Variants in SLC35D2 observed in about 807,000 individuals in gnomAD.
SLC35D2 encodes solute carrier family 35 member D2.
A neutral mutation model predicts 41.8 loss-of-function variants in SLC35D2; 43 were observed. The ratio of observed to expected loss-of-function variants is 1.03; its 90% confidence interval spans 0.81 to 1.33. The LOEUF is 1.33. Among genes scored for constraint, SLC35D2 ranks in the 40% most tolerant of loss-of-function variants. The pLI, the probability that SLC35D2 is intolerant of heterozygous loss-of-function variation, is 0.00. For synonymous variants in SLC35D2, 150 were observed against 163.9 expected (o/e 0.92, Z 0.65); for missense variants, 380 against 408.4 (o/e 0.93, Z 0.60).
At chr9:96,368,394 T>C (rs892321344) in intron 1 of SLC35D2, 89 bp from the exon 2 acceptor site, 1 of 986,584 alleles carries the variant, frequency 1.0e-6, no homozygotes, top group African/African-American at 1.7e-5. Flanking sequence ...TATTAAACAA[T>C]CTGAGAAAAT....
At chr9:96,321,389 G>C (rs765447759) in intron 11 of SLC35D2, 48 bp from the exon 12 acceptor site, 18 of 1,377,246 alleles carry the variant, frequency 1.3e-5, no homozygotes, top group Non-Finnish European at 1.9e-5. Flanking sequence ...AATTTCACAG[G>C]GGCTCCAGCA....
At chr9:96,338,354 T>C (rs1829148164) in intron 8 of SLC35D2, among the ~76,000 whole-genome samples, 1 of 152,142 alleles carries the variant, frequency 6.6e-6, no homozygotes, top group Non-Finnish European at 1.5e-5. Context: ...CATTGTTTCA[T>C]GAGTAATGCT....
intron 1 of SLC35D2, among the ~76,000 whole-genome samples, chr9:96,369,998 G>A (rs758616101): frequency 1.2e-4 from 18 of 152,238 alleles, no homozygotes; most frequent in Non-Finnish European, 2.1e-4. Context: ...GCTGGGTCAT[G>A]CCACCCATAC....
intron 3 of SLC35D2, among the ~76,000 whole-genome samples, chr9:96,362,243 C>A (rs1182437235): frequency 6.6e-6 from 1 of 152,180 alleles, no homozygotes. Flanking sequence ...TGTAGTGACT[C>A]AAGCCTGCAA....
Position 96,351,160 on chromosome 9 carries a change from G to C in SLC35D2, c.431C>G (p.Ser144Ter), listed in dbSNP as rs1241332169. The C allele has an allele frequency of 6.2e-7, 1 of 1,606,512 alleles. No homozygotes were observed. The highest frequency in any genetic ancestry group is 2.2e-5 in the East Asian group (1 of 44,832). ...AAAGACACTGAGGATGATGTTGAGTGAATACTGCTTCCTGTAATAAATACA... is the reference window on the plus strand; with the variant it reads ...AAAGACACTGAGGATGATGTTGAGTCAATACTGCTTCCTGTAATAAATACA... ...LETIILGKQY[S>*]LNIILSVFAI... The change falls in exon 6 of 12, where the codon TCA becomes TGA. Residue 144 changes from serine to a stop codon, truncating the protein, a stop_gained. Coordinates refer to ENST00000253270, the MANE Select transcript of SLC35D2 (RefSeq NM_007001.3). LOFTEE classifies it high-confidence loss of function.
At chr9:96,364,740 A>C (rs1175441741) in intron 2 of SLC35D2, among the ~76,000 whole-genome samples, 190 bp from the exon 3 acceptor site, 1 of 152,128 alleles carries the variant, frequency 6.6e-6, no homozygotes, top group African/African-American at 2.4e-5. Context: ...TACAGATTCC[A>C]TCAGAACTCC....
At chr9:96,352,008 A>G (rs201284005) in intron 5 of SLC35D2, 30 bp downstream of exon 5, 1 of 1,486,770 alleles carries the variant, frequency 6.7e-7, no homozygotes, top group Non-Finnish European at 9.4e-7. Flanking sequence ...TGGGAGGCAC[A>G]CTGGAAGAAT....
intron 8 of SLC35D2, among the ~76,000 whole-genome samples, chr9:96,340,327 A>G (rs1164102016): frequency 1.3e-5 from 2 of 152,082 alleles, no homozygotes; most frequent in Non-Finnish European, 2.9e-5. Flanking sequence ...TTTAAAAACT[A>G]GTCAAACTTG....
intron 6 of SLC35D2, chr9:96,350,873 T>C (rs990203505): frequency 2.5e-6 from 1 of 402,888 alleles, no homozygotes; most frequent in Non-Finnish European, 4.5e-6. Context: ...AAAAGCTATA[T>C]TAATATCTTG....
At chr9:96,337,715 C>T (rs907705806) in intron 8 of SLC35D2, among the ~76,000 whole-genome samples, 3 of 151,976 alleles carry the variant, frequency 2.0e-5, no homozygotes, top group East Asian at 1.9e-4. Flanking sequence ...GGCGCAGTGG[C>T]TCACGCTTGT....
chr9:96,332,501 G>A (rs114440031), intron 9 of SLC35D2, among the ~76,000 whole-genome samples: 2,060 of 152,218 alleles, frequency 0.014, 40 homozygotes, highest in African/African-American at 0.046. Context: ...CATGTTGGCC[G>A]GGTTCAGTGG....
intron 1 of SLC35D2, among the ~76,000 whole-genome samples, chr9:96,375,988 C>A (rs1454781141): frequency 2.6e-5 from 4 of 151,842 alleles, no homozygotes; most frequent in Non-Finnish European, 5.9e-5. Context: ...TGGTGAAACC[C>A]CATCTCTACT....
At chr9:96,318,169 C>T (rs1360946143), downstream of SLC35D2, among the ~76,000 whole-genome samples, 2 of 151,866 alleles carry the variant, frequency 1.3e-5, no homozygotes, top group Non-Finnish European at 2.9e-5. Context: ...CTCTTAAAAG[C>T]ACATTGAAGG....
intron 9 of SLC35D2, among the ~76,000 whole-genome samples, chr9:96,324,408 T>C (rs1312081713): frequency 6.6e-6 from 1 of 152,204 alleles, no homozygotes; most frequent in East Asian, 1.9e-4. Context: ...ATTTTCTCTG[T>C]ACATTTCCAA....
intron 2 of SLC35D2, among the ~76,000 whole-genome samples, chr9:96,366,483 T>A (rs1206645770): frequency 6.6e-6 from 1 of 151,394 alleles, no homozygotes; most frequent in Non-Finnish European, 1.5e-5. Flanking sequence ...TGAATTTATT[T>A]CACTTAGAGA....
intron 3 of SLC35D2, 136 bp from the exon 4 acceptor site, chr9:96,360,357 G>A (rs181679119): frequency 6.6e-5 from 47 of 707,164 alleles, no homozygotes; most frequent in African/African-American, 3.8e-4. Flanking sequence ...TTGGCGGGGC[G>A]CAGTGGCTCA....
At chr9:96,332,227 A>C (rs940172427) in intron 9 of SLC35D2, among the ~76,000 whole-genome samples, 1 of 152,218 alleles carries the variant, frequency 6.6e-6, no homozygotes, top group Non-Finnish European at 1.5e-5. Context: ...GCTCGCCTCG[A>C]GTCTGGAGTT....
intron 4 of SLC35D2, among the ~76,000 whole-genome samples, chr9:96,355,503 A>AAT (rs779030737): frequency 2.7e-5 from 4 of 145,554 alleles, no homozygotes; most frequent in African/African-American, 5.1e-5. Context: ...AAAAAAAAAA[A>AAT]TTTTTTTTTT....
intron 1 of SLC35D2, among the ~76,000 whole-genome samples, chr9:96,372,574 CTTTTTTTT>C (rs71368250): frequency 2.6e-4 from 23 of 90,166 alleles, no homozygotes; most frequent in Admixed American, 3.6e-4. Context: ...TAAATAATTA[CTTTTTTTT>C]TTTTTTTTTT....
Sources: gnomAD v4.1 joint callset for allele counts (sites outside exome capture counted in the v4.1 genomes callset) on GRCh38, gnomAD v4.1.1 for gene constraint, MANE v1.5 for transcripts, NCBI Gene and HGNC (gene_info 2026-07-23, HGNC 2026-07-21) for gene names.